The following RBM33 variants were observed in gnomAD, a reference collection of about 807,000 sequenced individuals.
RBM33 encodes the protein RNA-binding protein 33.
A neutral mutation model predicts 132.6 loss-of-function variants in RBM33; 28 were observed. That is an observed-to-expected ratio of 0.21 (90% CI 0.16 to 0.29). The LOEUF is 0.29. RBM33 is among the 10% of genes least tolerant of loss of function. The probability of loss-of-function intolerance (pLI) is 1.00; values close to 1 mark genes in which losing one functional copy is unlikely to be tolerated. For synonymous variants in RBM33, 634 were observed against 593.0 expected (o/e 1.07, Z -1.01); for missense variants, 1,291 against 1,518.5 (o/e 0.85, Z 2.49).
At chr7:155,756,335 T>G (rs1408455833) in intron 14 of RBM33, among the ~76,000 whole-genome samples, 8 of 152,228 alleles carry the variant, frequency 5.3e-5, no homozygotes, top group Non-Finnish European at 1.0e-4. Context: ...TAGATTTAAT[T>G]TGGCTTGGTT....
At chr7:155,766,117 C>T (rs1585547191) in intron 15 of RBM33, among the ~76,000 whole-genome samples, 1 of 152,070 alleles carries the variant, frequency 6.6e-6, no homozygotes, top group African/African-American at 2.4e-5. Context: ...GGACAGGATC[C>T]AAATTCTGAA....
At chr7:155,766,204 C>T (rs1384999561) in intron 15 of RBM33, among the ~76,000 whole-genome samples, 2 of 152,130 alleles carry the variant, frequency 1.3e-5, no homozygotes, top group Admixed American at 6.5e-5. Flanking sequence ...GAGTGCCCAC[C>T]GAGCACAAGC....
intron 5 of RBM33, among the ~76,000 whole-genome samples, chr7:155,684,472 C>T (rs1799418228): frequency 1.3e-5 from 2 of 152,114 alleles, no homozygotes; most frequent in Admixed American, 1.3e-4. Context: ...GAGAAGGGGG[C>T]CTAATGGAGA....
rs1563141162 is a variant in RBM33 at position 155,680,631 on chromosome 7, T to G, written c.290T>G (p.Met97Arg). 1 of 1,607,380 alleles carries G rather than the reference T, an allele frequency of 6.2e-7. No individual in the cohort carries two copies. The part of the protein sequence containing the change: ...VTISLNATSG[M>R]VTSFELSDNT... The stretch of plus-strand genomic sequence containing the variant: ...ATTAGTCTGAATGCTACATCTGGCA[T>G]GGTTACATCATTTGAACTCTCTGAC... Residue 97 changes from methionine (M) to arginine (R), a missense_variant, in exon 5 of 18, where the codon ATG (methionine) becomes AGG (arginine). Met to Arg is a moderately conservative substitution (Grantham distance 91). Transcript: ENST00000401878.
intron 1 of RBM33, among the ~76,000 whole-genome samples, chr7:155,664,281 C>G (rs552186518): frequency 6.7e-6 from 1 of 150,296 alleles, no homozygotes; most frequent in African/African-American, 2.4e-5. Flanking sequence ...TTTTTTGAGA[C>G]AGAGTTTCTG....
At chr7:155,705,786 G>C (rs1800095322) in intron 6 of RBM33, among the ~76,000 whole-genome samples, 1 of 152,222 alleles carries the variant, frequency 6.6e-6, no homozygotes, top group Non-Finnish European at 1.5e-5. Context: ...CTTAGGGCCA[G>C]TGCCCATGTT....
At chr7:155,672,806 TC>T in intron 2 of RBM33, 60 bp from the exon 3 acceptor site, 1 of 1,159,824 alleles carries the variant, frequency 8.6e-7, no homozygotes, top group Admixed American at 2.3e-5. Context: ...TTCCAAGTGA[TC>T]TACAAACTTG....
rs184294735 is a variant in RBM33 at position 155,657,229 on chromosome 7, C to G, written c.44-7946C>G. On this transcript the variant is annotated intron_variant, in intron 1 of 17. Transcript: ENST00000401878. ...AATTTTGGCTTTTGTAGATTTAACTCTGAAATTTCCGGAAAGTGCTACGTA... is the reference window on the plus strand; with the variant it reads ...AATTTTGGCTTTTGTAGATTTAACTGTGAAATTTCCGGAAAGTGCTACGTA... Among the ~76,000 whole-genome samples the G allele has an allele frequency of 7.1e-4, 108 of 152,268 alleles. 2 individuals carry two copies. Among genetic ancestry groups the G allele is most frequent in the Middle Eastern group, 6.8e-3 (2 of 294 alleles).
At chr7:155,645,942 A>G (rs992134316) in intron 1 of RBM33, among the ~76,000 whole-genome samples, 4 of 152,226 alleles carry the variant, frequency 2.6e-5, no homozygotes, top group African/African-American at 4.8e-5. Context: ...AAGTGTAGGA[A>G]TGTCGCTTCT....
At chr7:155,748,054 A>G (rs1360009749) in intron 14 of RBM33, among the ~76,000 whole-genome samples, 1 of 152,216 alleles carries the variant, frequency 6.6e-6, no homozygotes, top group Non-Finnish European at 1.5e-5. Flanking sequence ...TTTCCTGCCT[A>G]TGAAAATCTT....
chr7:155,708,968 C>T (rs9647696), intron 7 of RBM33, among the ~76,000 whole-genome samples: 96,651 of 151,354 alleles, frequency 0.64, 31,903 homozygotes, highest in South Asian at 0.77. Flanking sequence ...TGTTCCCTGT[C>T]CTGAATGGTG....
chr7:155,655,879 C>A (rs934283920), intron 1 of RBM33, among the ~76,000 whole-genome samples: 1 of 151,894 alleles, frequency 6.6e-6, no homozygotes, highest in African/African-American at 2.4e-5. Flanking sequence ...CATTGCAAGA[C>A]CCCGTCTCTT....
intron 1 of RBM33, among the ~76,000 whole-genome samples, chr7:155,654,998 A>C (rs1387951639): frequency 1.3e-5 from 2 of 152,216 alleles, no homozygotes; most frequent in Non-Finnish European, 2.9e-5. Context: ...ATATTTCATA[A>C]TGATCATGTA....
rs1173650508 is a variant in RBM33, at chr7:155,780,751, A to AG, written c.*5712dup. 6.6e-6 allele frequency: 1 copy of AG among 152,272 alleles called. No homozygotes were observed. The highest frequency in any genetic ancestry group is 2.4e-5 in the African/African-American group (1 of 41,442). The allele number at this position is 152,272 out of a possible 1,614,324, so 9.4% of individuals were successfully genotyped here. A position where few individuals can be genotyped will look rare whatever the true frequency, so the allele number is the denominator to read the frequency against. On this transcript the variant is annotated 3_prime_UTR_variant, in exon 18 of 18. Transcript: ENST00000401878. The stretch of plus-strand genomic sequence containing the variant: ...AGAACTCCACGTGGGCTGGGTGGGA[A>AG]GGTGCTGACGATTTTCACACTGTGT...
rs529465395 is a variant in RBM33 at position 155,713,984 on chromosome 7, C to T, written c.1201+2529C>T. 3.3e-4 allele frequency among the ~76,000 whole-genome samples: 50 copies of T among 151,970 alleles called. 1 individual carries two copies. In the South Asian group the frequency reaches 8.1e-3, roughly 25 times the overall value. ...TCTTCCTTGGTGGCCTCAGTTTCCT[C>T]GGTGGGTAGCAGGGAGCTAGAGTGG... On this transcript the variant is annotated intron_variant, in intron 8 of 17. Coordinates refer to ENST00000401878, the MANE Select transcript of RBM33 (RefSeq NM_053043.3).
At chr7:155,666,770 C>A (rs1427366194) in intron 2 of RBM33, among the ~76,000 whole-genome samples, 1 of 152,044 alleles carries the variant, frequency 6.6e-6, no homozygotes, top group Non-Finnish European at 1.5e-5. Context: ...ATTATACTTA[C>A]TGGAAATTTA....
At chr7:155,673,940 G>GTTGTTGTTTGTTTTTTT in intron 3 of RBM33, among the ~76,000 whole-genome samples, 2,132 of 54,194 alleles carry the variant, frequency 0.039, 713 homozygotes, top group Non-Finnish European at 0.049. Flanking sequence ...TTTAGGCTTA[G>GTTGTTGTTTGTTTTTTT]TTTTTTTTTT....
chr7:155,724,644 G>C (rs749792423), intron 9 of RBM33, among the ~76,000 whole-genome samples: 2 of 152,160 alleles, frequency 1.3e-5, no homozygotes, highest in African/African-American at 4.8e-5. Flanking sequence ...GTTTCGCCTA[G>C]TGCCTACAGT....
At chr7:155,681,386 G>A (rs1464863773) in intron 5 of RBM33, among the ~76,000 whole-genome samples, 1 of 152,128 alleles carries the variant, frequency 6.6e-6, no homozygotes, top group African/African-American at 2.4e-5. Context: ...AGAGATTGGA[G>A]GTTAGTTTAG....
Sources: allele counts gnomAD v4.1 joint callset (sites outside exome capture counted in the v4.1 genomes callset), GRCh38; gene constraint gnomAD v4.1.1; transcripts MANE v1.5; gene names NCBI Gene and HGNC (gene_info 2026-07-23, HGNC 2026-07-21).